NALF1: variants seen among roughly 807,000 people sequenced by gnomAD.
NALF1 encodes the protein NALCN channel auxiliary factor 1.
Under a neutral mutation model 48.4 loss-of-function variants are expected in NALF1, and 3 were observed. That is an observed-to-expected ratio of 0.06 (90% CI 0.03 to 0.16). The LOEUF (loss-of-function observed/expected upper bound fraction) is 0.16. Ranked by LOEUF, NALF1 falls within the 10% of genes least tolerant of loss-of-function variation. NALF1 has a pLI of 1.00. For synonymous variants in NALF1, 262 were observed against 245.7 expected (o/e 1.07, Z -0.62); for missense variants, 526 against 571.5 (o/e 0.92, Z 0.81).
intron 1 of NALF1, among the ~76,000 whole-genome samples, chr13:107,314,235 A>T (rs1258784993): frequency 6.6e-6 from 1 of 152,070 alleles, no homozygotes; most frequent in Admixed American, 6.6e-5. Context: ...GAACTCTAGG[A>T]TCACTTTCTA....
intron 1 of NALF1, among the ~76,000 whole-genome samples, chr13:107,280,058 CT>C (rs1322413867): frequency 5.3e-5 from 8 of 152,166 alleles, no homozygotes; most frequent in Admixed American, 5.2e-4. Flanking sequence ...TCCCAAAGTG[CT>C]GGGATTACAG....
intron 1 of NALF1, among the ~76,000 whole-genome samples, chr13:107,493,903 T>C (rs928276405): frequency 3.9e-5 from 6 of 151,966 alleles, no homozygotes; most frequent in Admixed American, 6.6e-5. Context: ...AAATTATATA[T>C]ATACACACAC....
chr13:107,537,494 CT>C (rs796857835), intron 1 of NALF1, among the ~76,000 whole-genome samples: 136 of 152,224 alleles, frequency 8.9e-4, no homozygotes, highest in African/African-American at 3.0e-3. Context: ...TTGTTTTTCA[CT>C]TTGTCATTGC....
At chr13:107,463,547 T>C (rs1180164299) in intron 1 of NALF1, among the ~76,000 whole-genome samples, 3 of 152,228 alleles carry the variant, frequency 2.0e-5, no homozygotes, top group Non-Finnish European at 4.4e-5. Flanking sequence ...TGTTTTGCTT[T>C]GTTTTTGCCT....
intron 1 of NALF1, among the ~76,000 whole-genome samples, chr13:107,536,418 G>A (rs1166596836): frequency 3.3e-5 from 5 of 152,102 alleles, no homozygotes; most frequent in African/African-American, 4.8e-5. Context: ...AGTGGGCAAA[G>A]GATATGAACA....
chr13:107,804,405 AT>A (rs11447524), intron 1 of NALF1, among the ~76,000 whole-genome samples: 76 of 146,096 alleles, frequency 5.2e-4, no homozygotes, highest in Middle Eastern at 3.5e-3. Flanking sequence ...CTCAGAGGCC[AT>A]TTTTTTTTTT....
intron 1 of NALF1, among the ~76,000 whole-genome samples, chr13:107,813,876 A>G (rs537183098): frequency 6.8e-6 from 1 of 147,904 alleles, no homozygotes; most frequent in East Asian, 1.9e-4. Context: ...AATTAATTAA[A>G]TTGCTGTTGT....
At chr13:107,840,379 T>C (rs918050884) in intron 1 of NALF1, among the ~76,000 whole-genome samples, 1 of 152,214 alleles carries the variant, frequency 6.6e-6, no homozygotes, top group African/African-American at 2.4e-5. Flanking sequence ...GTGGTCCATA[T>C]TGGTTTAGGA....
intron 2 of NALF1, among the ~76,000 whole-genome samples, chr13:107,172,730 G>C (rs1305494487): frequency 6.6e-6 from 1 of 151,994 alleles, no homozygotes; most frequent in African/African-American, 2.4e-5. Context: ...AACAAAAGGA[G>C]TTTACAATAA....
At chr13:107,826,291 G>A (rs577371271) in intron 1 of NALF1, among the ~76,000 whole-genome samples, 1 of 149,130 alleles carries the variant, frequency 6.7e-6, no homozygotes, top group African/African-American at 2.5e-5. Context: ...ATTTGTGTGT[G>A]TGTGCATGTG....
intron 1 of NALF1, among the ~76,000 whole-genome samples, chr13:107,454,252 G>T (rs190135942): frequency 1.3e-5 from 2 of 152,068 alleles, no homozygotes; most frequent in Non-Finnish European, 2.9e-5. Context: ...ATATTAGTCC[G>T]TTTTCATACT....
chr13:107,233,357 A>G (rs1880267218), intron 1 of NALF1, among the ~76,000 whole-genome samples: 1 of 152,228 alleles, frequency 6.6e-6, no homozygotes, highest in African/African-American at 2.4e-5. Flanking sequence ...CAGTAGTGGT[A>G]TCATCTTTTT....
intron 1 of NALF1, among the ~76,000 whole-genome samples, chr13:107,461,913 C>T (rs979036856): frequency 2.0e-5 from 3 of 152,224 alleles, no homozygotes; most frequent in Non-Finnish European, 4.4e-5. Context: ...CCAGCTTTTG[C>T]CCTGGTCTCA....
intron 1 of NALF1, among the ~76,000 whole-genome samples, chr13:107,839,696 T>A (rs1360659203): frequency 1.3e-5 from 2 of 148,606 alleles, no homozygotes; most frequent in African/African-American, 4.9e-5. Flanking sequence ...AAAAAAACTC[T>A]TAAGTATTAT....
At chr13:107,838,374 T>A (rs764937977) in intron 1 of NALF1, among the ~76,000 whole-genome samples, 21 of 152,190 alleles carry the variant, frequency 1.4e-4, no homozygotes, top group Admixed American at 7.9e-4. Flanking sequence ...AAGAATAAAT[T>A]AAAATCAAAT....
intron 1 of NALF1, among the ~76,000 whole-genome samples, chr13:107,492,838 C>A (rs778961242): frequency 3.9e-5 from 6 of 152,110 alleles, no homozygotes; most frequent in African/African-American, 7.2e-5. Flanking sequence ...AGGAAAAAAA[C>A]GTACACAATT....
At chr13:107,572,572 A>C (rs1878020026) in intron 1 of NALF1, among the ~76,000 whole-genome samples, 1 of 152,184 alleles carries the variant, frequency 6.6e-6, no homozygotes, top group African/African-American at 2.4e-5. Context: ...TTCTACCAGC[A>C]TCCATTAAAC....
At chr13:107,220,510 A>C (rs1879967339) in intron 1 of NALF1, among the ~76,000 whole-genome samples, 1 of 152,226 alleles carries the variant, frequency 6.6e-6, no homozygotes. Context: ...ACCATGAAAC[A>C]GAGGACTGGC....
At chr13:107,286,925 T>C (rs1453885585) in intron 1 of NALF1, among the ~76,000 whole-genome samples, 1 of 152,114 alleles carries the variant, frequency 6.6e-6, no homozygotes, top group East Asian at 1.9e-4. Flanking sequence ...AACAAATTGA[T>C]GTGTAAGGGG....
Sources: allele counts gnomAD v4.1 joint callset (sites outside exome capture counted in the v4.1 genomes callset), GRCh38; gene constraint gnomAD v4.1.1; transcripts MANE v1.5; gene names NCBI Gene and HGNC (gene_info 2026-07-23, HGNC 2026-07-21).